Variants in ADGRL2 observed in about 807,000 individuals in gnomAD.
The protein encoded by ADGRL2 is calcium-independent alpha-latrotoxin receptor 2.
Under a neutral mutation model 157.4 loss-of-function variants are expected in ADGRL2, and 44 were observed. The ratio of observed to expected loss-of-function variants is 0.28; its 90% CI spans 0.22 to 0.36. The LOEUF (loss-of-function observed/expected upper bound fraction) is 0.36, where lower values mean the gene tolerates loss of function less well. Among genes scored for constraint, ADGRL2 ranks in the 10% least tolerant of loss-of-function variants. ADGRL2 has a pLI of 1.00. For missense variants in ADGRL2, 1,510 were observed against 1,768.9 expected, an observed-to-expected ratio of 0.85 and a Z score of 2.63; for synonymous variants, 585 against 624.7, an observed-to-expected ratio of 0.94 and a Z score of 0.95.
intron 2 of ADGRL2, among the ~76,000 whole-genome samples, chr1:81,857,947 T>C (rs1008209381): frequency 1.3e-5 from 2 of 152,156 alleles, no homozygotes; most frequent in Admixed American, 6.6e-5. Flanking sequence ...TTTTGTTAAA[T>C]TGATATTTTT....
chr1:81,747,743 C>CAG (rs1291010238), intron 1 of ADGRL2, among the ~76,000 whole-genome samples: 5 of 139,430 alleles, frequency 3.6e-5, no homozygotes, highest in Admixed American at 1.4e-4. Context: ...GTGTAAGAGA[C>CAG]AGAGAGAGAG....
At chr1:81,413,449 T>C (rs1237617342) in intron 1 of ADGRL2, among the ~76,000 whole-genome samples, 1 of 151,898 alleles carries the variant, frequency 6.6e-6, no homozygotes, top group African/African-American at 2.4e-5. Flanking sequence ...TTAATTTCAC[T>C]TAAAAAAAAA....
rs1299230639 is a variant in ADGRL2 at position 81,943,068 on chromosome 1, C to G, written c.509C>G (p.Ala170Gly). 6.2e-7 allele frequency: 1 copy of G among 1,613,280 alleles called. No individual in the cohort carries two copies. Among genetic ancestry groups the G allele is most frequent in the Non-Finnish European group, 8.5e-7 (1 of 1,179,428 alleles). The change falls in exon 6 of 24, where the codon GCT (alanine) becomes GGT (glycine). Residue 170 changes from alanine to glycine, a missense_variant. By Grantham distance (60) the Ala-to-Gly change is moderately conservative. Coordinates refer to ENST00000686636, the MANE Select transcript of ADGRL2 (RefSeq NM_001366006.2). The surrounding 1 kb of genome is among the most constrained non-coding windows in gnomAD (Gnocchi z 5.6). The stretch of plus-strand genomic sequence containing the variant: ...GCTTGGTGCAAGGACCCTCTTCAGG[C>G]TGCAGATAAAATTTATTTCATGCCC... ...AGAWCKDPLQAADKIYFMPWT... is the reference protein window; with the variant it reads ...AGAWCKDPLQGADKIYFMPWT...
At chr1:81,513,613 A>G (rs1287187198) in intron 2 of ADGRL2, among the ~76,000 whole-genome samples, 1 of 152,192 alleles carries the variant, frequency 6.6e-6, no homozygotes, top group East Asian at 1.9e-4. Flanking sequence ...GTAATGAAAC[A>G]GAACCGAGAC....
At chr1:81,336,404 G>A (rs567384363) in intron 1 of ADGRL2, among the ~76,000 whole-genome samples, 8 of 151,988 alleles carry the variant, frequency 5.3e-5, no homozygotes, top group Non-Finnish European at 1.2e-4. Context: ...TCAAATATTA[G>A]CCAGGTACAG....
At chr1:81,578,162 G>A (rs2080833564) in intron 2 of ADGRL2, among the ~76,000 whole-genome samples, 1 of 152,096 alleles carries the variant, frequency 6.6e-6, no homozygotes, top group African/African-American at 2.4e-5. Flanking sequence ...TTATACAATG[G>A]GGAAATTCAT....
chr1:81,706,060 G>A (rs1345126280), intron 1 of ADGRL2, among the ~76,000 whole-genome samples: 1 of 152,000 alleles, frequency 6.6e-6, no homozygotes, highest in African/African-American at 2.4e-5. Flanking sequence ...TTAGCTGGGC[G>A]TGGTCATGCA....
upstream of ADGRL2, among the ~76,000 whole-genome samples, chr1:81,699,203 C>T (rs998542727): frequency 2.0e-5 from 3 of 151,942 alleles, no homozygotes; most frequent in Non-Finnish European, 1.5e-5. Context: ...CAGTCATTCT[C>T]GATGTTTAAA....
intron 2 of ADGRL2, among the ~76,000 whole-genome samples, chr1:81,538,530 G>A (rs2148305210): frequency 6.6e-6 from 1 of 152,234 alleles, no homozygotes; most frequent in Admixed American, 6.5e-5. Flanking sequence ...AGTTGTTCAG[G>A]CACAACCACA....
At chr1:81,715,178 A>ATT (rs1553144183) in intron 1 of ADGRL2, among the ~76,000 whole-genome samples, 9,374 of 62,554 alleles carry the variant, frequency 0.15, 381 homozygotes, top group South Asian at 0.29. Context: ...TAATTTAGTA[A>ATT]ATTTTTTTTT....
chr1:81,830,200 G>A (rs767952408), intron 1 of ADGRL2, among the ~76,000 whole-genome samples: 16 of 151,986 alleles, frequency 1.1e-4, no homozygotes, highest in Non-Finnish European at 2.1e-4. Context: ...CCTAACACAG[G>A]ACCAGTTAAT....
chr1:81,419,171 C>T (rs2077083429), intron 1 of ADGRL2, among the ~76,000 whole-genome samples: 1 of 152,084 alleles, frequency 6.6e-6, no homozygotes. Context: ...TATTCAGCAA[C>T]CTTATACAGA....
intron 1 of ADGRL2, among the ~76,000 whole-genome samples, chr1:81,736,503 G>T (rs150542631): frequency 3.9e-5 from 6 of 152,072 alleles, no homozygotes; most frequent in Non-Finnish European, 7.4e-5. Context: ...TGGGTTATTC[G>T]ATTATTCAGC....
chr1:81,413,151 A>T (rs942662994), intron 1 of ADGRL2, among the ~76,000 whole-genome samples: 1 of 152,056 alleles, frequency 6.6e-6, no homozygotes, highest in Non-Finnish European at 1.5e-5. Context: ...GTAGCCCTCC[A>T]CCCACCTCAG....
At chr1:81,330,405 A>G (rs1242519726) in intron 1 of ADGRL2, among the ~76,000 whole-genome samples, 3 of 152,168 alleles carry the variant, frequency 2.0e-5, no homozygotes. Context: ...ATCAACATGT[A>G]TGCACACTTC....
At chr1:81,750,300 G>A (rs1384925422) in intron 1 of ADGRL2, among the ~76,000 whole-genome samples, 1 of 152,178 alleles carries the variant, frequency 6.6e-6, no homozygotes, top group East Asian at 1.9e-4. Context: ...TGAATGGGAA[G>A]GGTCAGATGC....
intron 2 of ADGRL2, among the ~76,000 whole-genome samples, chr1:81,867,679 T>C (rs2093581481): frequency 6.6e-6 from 1 of 152,154 alleles, no homozygotes; most frequent in African/African-American, 2.4e-5. Context: ...ACTAATTACC[T>C]AAATGAAATA....
At chr1:81,713,507 ATGAG>A (rs2084006892) in intron 1 of ADGRL2, among the ~76,000 whole-genome samples, 1 of 152,220 alleles carries the variant, frequency 6.6e-6, no homozygotes, top group African/African-American at 2.4e-5. Flanking sequence ...GATGATGAGA[ATGAG>A]TGTGATGAAA....
chr1:81,800,616 G>A (rs568679702), upstream of ADGRL2: 688 of 152,288 alleles, frequency 4.5e-3, 8 homozygotes, highest in African/African-American at 0.014. Context: ...ATCCCCCTGC[G>A]CTCAGCCTCG....
Sources: allele counts gnomAD v4.1 joint callset (sites outside exome capture counted in the v4.1 genomes callset), GRCh38; gene constraint gnomAD v4.1.1; non-coding constraint Gnocchi (gnomAD v3.1); transcripts MANE v1.5; gene names NCBI Gene and HGNC (gene_info 2026-07-23, HGNC 2026-07-21).